Variants in EEF2K observed in about 807,000 individuals in gnomAD.
The protein encoded by EEF2K is alternative protein EEF2K.
EEF2K carries 70 observed loss-of-function variants against 93.8 expected under a neutral mutation model. The ratio of observed to expected loss-of-function variants is 0.75; its 90% CI spans 0.62 to 0.91. The LOEUF (loss-of-function observed/expected upper bound fraction) is 0.91, where lower values mean the gene tolerates loss of function less well. Ranked by LOEUF, EEF2K falls within the 40% of genes least tolerant of loss-of-function variation. The pLI is 0.00. For synonymous variants in EEF2K, 376 were observed against 380.8 expected (o/e 0.99, Z 0.15); for missense variants, 935 against 972.9 (o/e 0.96, Z 0.52).
intron 16 of EEF2K, among the ~76,000 whole-genome samples, chr16:22,276,945 A>C (rs2047643305): frequency 6.6e-6 from 1 of 152,004 alleles, no homozygotes; most frequent in South Asian, 2.1e-4. Flanking sequence ...AATCCCAGCT[A>C]CTTCAGCTAC....
At chr16:22,270,358 C>T (rs964732202) in intron 15 of EEF2K, among the ~76,000 whole-genome samples, 6 of 152,014 alleles carry the variant, frequency 3.9e-5, no homozygotes, top group Non-Finnish European at 7.4e-5. Context: ...CTCCTGACCT[C>T]ATGTGATCCA....
chr16:22,278,989 A>G (rs2047667177), intron 16 of EEF2K, among the ~76,000 whole-genome samples: 1 of 152,132 alleles, frequency 6.6e-6, no homozygotes. Flanking sequence ...GGTGATTGCC[A>G]TTAGTGCAGA....
intron 1 of EEF2K, among the ~76,000 whole-genome samples, chr16:22,221,941 G>A (rs1457566397): frequency 6.6e-6 from 1 of 151,918 alleles, no homozygotes; most frequent in Non-Finnish European, 1.5e-5. Flanking sequence ...GTGGTGGTGG[G>A]CTCCTGTAAT....
chr16:22,208,489 C>T (rs1455079689), intron 1 of EEF2K, among the ~76,000 whole-genome samples: 1 of 152,180 alleles, frequency 6.6e-6, no homozygotes, highest in Non-Finnish European at 1.5e-5. Context: ...GAGATTGCAC[C>T]ACTGCACTCT....
At chr16:22,279,945 G>A (rs866916232) in intron 16 of EEF2K, among the ~76,000 whole-genome samples, 7 of 152,132 alleles carry the variant, frequency 4.6e-5, no homozygotes, top group African/African-American at 1.7e-4. Flanking sequence ...GCAGTGGGCC[G>A]AGATTGCACC....
rs983631336 is a variant in EEF2K, at chr16:22,235,972, A to AT, written c.247-8647dup. On this transcript the variant is annotated intron_variant, in intron 2 of 17. Transcript: ENST00000263026. Reference sequence around the variant, plus strand: ...GCCATCACGCCTGGCTAATTTTTGTATTTTTTTTTTTGTAGAAATGGGGTC... The same window carrying AT: ...GCCATCACGCCTGGCTAATTTTTGTATTTTTTTTTTTTGTAGAAATGGGGTC... Among the ~76,000 whole-genome samples, 407 of 144,236 alleles carry AT rather than the reference A, an allele frequency of 2.8e-3. 4 individuals carry two copies. Among genetic ancestry groups the AT allele is most frequent in the Admixed American group, 0.018 (256 of 14,448 alleles). The allele number at this position is 144,236 out of a possible 152,430, so 94.6% of individuals were successfully genotyped here.
intron 2 of EEF2K, among the ~76,000 whole-genome samples, chr16:22,229,946 T>G (rs2047099333): frequency 6.6e-6 from 1 of 152,172 alleles, no homozygotes; most frequent in Non-Finnish European, 1.5e-5. Flanking sequence ...GATAGTTGGG[T>G]AATGTTTTCC....
chr16:22,229,253 G>A (rs181274539), intron 2 of EEF2K, among the ~76,000 whole-genome samples: 49 of 152,312 alleles, frequency 3.2e-4, no homozygotes, highest in South Asian at 8.3e-4. Flanking sequence ...GCATATGCGT[G>A]TATGTGGGTA....
chr16:22,279,638 G>C (rs990128690), intron 16 of EEF2K, among the ~76,000 whole-genome samples: 4 of 151,788 alleles, frequency 2.6e-5, no homozygotes, highest in Admixed American at 2.0e-4. Context: ...TTTTTTTGTT[G>C]TGTTTTTGTT....
rs556359076 is a variant in EEF2K, at chr16:22,258,988, T to A, written c.1231+293T>A. 4.6e-5 allele frequency among the ~76,000 whole-genome samples: 7 copies of A among 151,422 alleles called. 1 individual carries two copies. The South Asian group carries it at 1.4e-3, about 31-fold the overall frequency. On this transcript the variant is annotated intron_variant, in intron 10 of 17. Transcript: ENST00000263026. ...TAAAAAAGAAAATTATATCCCAACC[T>A]TATTTAAAATTTGTATTTGTGTATA... is the stretch of plus-strand genomic sequence containing the variant.
intron 16 of EEF2K, among the ~76,000 whole-genome samples, chr16:22,274,358 C>T (rs944469029): frequency 1.3e-5 from 2 of 151,068 alleles, no homozygotes; most frequent in Admixed American, 6.6e-5. Flanking sequence ...GCAGGAGAAT[C>T]GCTTGAACCC....
intron 2 of EEF2K, among the ~76,000 whole-genome samples, chr16:22,236,962 T>TG (rs1045413081): frequency 9.3e-6 from 1 of 107,612 alleles, no homozygotes; most frequent in African/African-American, 3.1e-5. Context: ...TTTTTTTTTT[T>TG]GAGACAGAGT....
Position 22,225,872 on chromosome 16 carries a change from C to G in EEF2K, c.143C>G (p.Ser48Trp), listed in dbSNP as rs1490884606. The G allele has an allele frequency of 4.3e-6, 7 of 1,614,054 alleles. No individual in the cohort carries two copies. Among genetic ancestry groups the G allele is most frequent in the Non-Finnish European group, 5.9e-6 (7 of 1,180,038 alleles). Reference protein sequence around the residue: ...FICPITDDPSSNQNVNSKVNK... With the variant: ...FICPITDDPSWNQNVNSKVNK... ...TGCCCCATCACGGATGACCCAAGCT[C>G]GAACCAGAATGTCAATTCCAAGGTT... The change falls in exon 2 of 18, where the codon TCG becomes TGG. Residue 48 changes from serine (S) to tryptophan (W), a missense_variant. Coordinates refer to ENST00000263026, the MANE Select transcript of EEF2K (RefSeq NM_013302.5).
At chr16:22,258,724 G>A in intron 10 of EEF2K, 29 bp downstream of exon 10, 1 of 1,613,378 alleles carries the variant, frequency 6.2e-7, no homozygotes, top group Non-Finnish European at 8.5e-7. Flanking sequence ...CCTAGTCACT[G>A]TGATTGGAGG....
At chr16:22,270,889 GTC>G (rs770942894) in intron 15 of EEF2K, among the ~76,000 whole-genome samples, 2 of 150,260 alleles carry the variant, frequency 1.3e-5, no homozygotes, top group East Asian at 3.9e-4. Flanking sequence ...TCACTTTTTT[GTC>G]TCTCTCTATA....
chr16:22,238,099 GA>G (rs968631243), intron 2 of EEF2K, among the ~76,000 whole-genome samples: 1 of 152,188 alleles, frequency 6.6e-6, no homozygotes, highest in Non-Finnish European at 1.5e-5. Context: ...AGACCAGCCT[GA>G]CCAATATGGT....
At chr16:22,260,721 G>A (rs1416462155) in intron 11 of EEF2K, among the ~76,000 whole-genome samples, 192 bp downstream of exon 11, 1 of 152,218 alleles carries the variant, frequency 6.6e-6, no homozygotes, top group Non-Finnish European at 1.5e-5. Flanking sequence ...GCTTTCCTCT[G>A]AGAAAAGGTG....
At chr16:22,229,151 A>C (rs983447935) in intron 2 of EEF2K, among the ~76,000 whole-genome samples, 8 of 151,788 alleles carry the variant, frequency 5.3e-5, no homozygotes, top group Non-Finnish European at 1.0e-4. Flanking sequence ...AACAAAAAAC[A>C]AAAAACAAAA....
intron 3 of EEF2K, 134 bp downstream of exon 3, chr16:22,244,864 C>A: frequency 1.2e-6 from 1 of 860,096 alleles, no homozygotes; most frequent in Non-Finnish European, 1.8e-6. Flanking sequence ...TATTGGCATG[C>A]TAATGCGTGC....
Sources: allele counts gnomAD v4.1 joint callset (sites outside exome capture counted in the v4.1 genomes callset), GRCh38; gene constraint gnomAD v4.1.1; transcripts MANE v1.5; gene names NCBI Gene and HGNC (gene_info 2026-07-23, HGNC 2026-07-21).